IRAK4: variants seen among roughly 807,000 people sequenced by gnomAD.
IRAK4 encodes the protein interleukin 1 receptor associated kinase 4, also known as interleukin-1 receptor-associated kinase 4.
A neutral mutation model predicts 51.8 loss-of-function variants in IRAK4; 44 were observed. The observed-to-expected ratio is 0.85, with a 90% CI of 0.67 to 1.09. The LOEUF is 1.09. Ranked by LOEUF, IRAK4 falls within the 50% of genes least tolerant of loss-of-function variation. The pLI is 0.00. For synonymous variants in IRAK4, 149 were observed against 174.1 expected, an observed-to-expected ratio of 0.86 and a Z score of 1.13; for missense variants, 487 against 538.0, an observed-to-expected ratio of 0.91 and a Z score of 0.94.
In IRAK4 at chr12:43,778,334, G is replaced by T. The variant is rs113211307; in HGVS notation, c.941+32G>T. On this transcript the variant is annotated intron_variant, in intron 8 of 11. Transcript: ENST00000613694. ...GCTACTGTTTAAAAGTTTTTGGAAAGCTGTCTTTAAAGAATAATTTGCTGT... is the reference window on the plus strand; with the variant it reads ...GCTACTGTTTAAAAGTTTTTGGAAATCTGTCTTTAAAGAATAATTTGCTGT... The T allele has an allele frequency of 1.0e-3, 1,265 of 1,208,190 alleles. 11 individuals are homozygous for T. The African/African-American group carries it at 0.016, about 16-fold the overall frequency. 74.8% of individuals were successfully genotyped at this position (1,208,190 alleles called of 1,614,324 possible). A position where few individuals can be genotyped will look rare whatever the true frequency, so the allele number is the denominator to read the frequency against.
intron 1 of IRAK4, among the ~76,000 whole-genome samples, chr12:43,761,903 A>G (rs1939596395): frequency 1.3e-5 from 2 of 152,164 alleles, no homozygotes; most frequent in Admixed American, 6.5e-5. Flanking sequence ...TTTCTTTACT[A>G]TGAGAGTTAG....
At chr12:43,782,595 A>G in intron 9 of IRAK4, 105 bp downstream of exon 9, 1 of 960,442 alleles carries the variant, frequency 1.0e-6, no homozygotes, top group Non-Finnish European at 1.6e-6. Context: ...CTCTTATGTA[A>G]CAATATAAGT....
chr12:43,786,732 ACT>A lies in IRAK4; in HGVS notation c.*20_*21del. The stretch of plus-strand genomic sequence containing the variant: ...GCTTCTTAAAACTTTATTGGAAAAG[ACT>A]CTTGACTTTTTATATACACCTATCT... On this transcript the variant is annotated 3_prime_UTR_variant, in exon 12 of 12. Coordinates refer to ENST00000613694, the MANE Select transcript of IRAK4 (RefSeq NM_016123.4). 6.2e-7 allele frequency: 1 copy of A among 1,606,352 alleles called. No individual in the cohort carries two copies. The highest frequency in any genetic ancestry group is 8.5e-7 in the Non-Finnish European group (1 of 1,173,444).
chr12:43,779,281 G>T (rs1941570227), intron 8 of IRAK4, among the ~76,000 whole-genome samples: 2 of 152,154 alleles, frequency 1.3e-5, no homozygotes, highest in African/African-American at 4.8e-5. Flanking sequence ...TGAAGTAAAT[G>T]CAGTATGACT....
chr12:43,784,846 G>T (rs936650921), intron 10 of IRAK4, among the ~76,000 whole-genome samples: 10 of 152,100 alleles, frequency 6.6e-5, no homozygotes, highest in African/African-American at 2.4e-4. Flanking sequence ...ATCATCTGAA[G>T]AACCGTTATG....
At chr12:43,773,120 G>A (rs1191154544) in intron 5 of IRAK4, 48 bp downstream of exon 5, 4 of 1,519,764 alleles carry the variant, frequency 2.6e-6, no homozygotes, top group South Asian at 1.1e-5. Context: ...TTCATAGTGT[G>A]CCCTATAATA....
chr12:43,782,318 TACTG>T lies in IRAK4; in HGVS notation c.954_957del (p.Leu319MetfsTer25). ...TACATTTTTTTCAGTGCAAATATCTTACTGGATGAAGCTTTTACTGCTAAAATAT... is the reference window on the plus strand; with the variant it reads ...TACATTTTTTTCAGTGCAAATATCTTGATGAAGCTTTTACTGCTAAAATAT... On this transcript the variant is annotated frameshift_variant, in exon 9 of 12. Transcript: ENST00000613694. LOFTEE classifies it high-confidence loss of function. 6.2e-7 allele frequency: 1 copy of T among 1,612,898 alleles called. No individual in the cohort carries two copies. The highest frequency in any genetic ancestry group is 8.5e-7 in the Non-Finnish European group (1 of 1,178,884).
intron 10 of IRAK4, among the ~76,000 whole-genome samples, chr12:43,784,888 A>G (rs889872298): frequency 1.1e-4 from 17 of 152,334 alleles, no homozygotes; most frequent in South Asian, 2.1e-4. Context: ...AAACATTTTC[A>G]GAATTTATCT....
At chr12:43,768,349 AATGT>A in intron 2 of IRAK4, 77 bp downstream of exon 2, 1 of 1,113,278 alleles carries the variant, frequency 9.0e-7, no homozygotes, top group South Asian at 1.4e-5. Flanking sequence ...AGTACTGTCT[AATGT>A]GGCAGTTTAG....
chr12:43,761,279 T>A (rs1939524934), intron 1 of IRAK4, among the ~76,000 whole-genome samples: 1 of 152,244 alleles, frequency 6.6e-6, no homozygotes, highest in Non-Finnish European at 1.5e-5. Flanking sequence ...ACATTAAAAT[T>A]ACCATGGTTG....
At chr12:43,766,599 G>T (rs192299770) in intron 1 of IRAK4, among the ~76,000 whole-genome samples, 59 of 152,210 alleles carry the variant, frequency 3.9e-4, no homozygotes, top group African/African-American at 1.3e-3. Context: ...GGAAAGGAAT[G>T]GTCTTTCTGA....
chr12:43,775,262 G>A (rs916096778), intron 6 of IRAK4, among the ~76,000 whole-genome samples: 2 of 152,038 alleles, frequency 1.3e-5, no homozygotes, highest in Non-Finnish European at 2.9e-5. Flanking sequence ...AATTCTAAAA[G>A]TAACTTGTTC....
At chr12:43,765,919 C>G (rs1253001905) in intron 1 of IRAK4, among the ~76,000 whole-genome samples, 1 of 151,906 alleles carries the variant, frequency 6.6e-6, no homozygotes. Context: ...GATTTGGCCT[C>G]CTAAATGTTT....
chr12:43,778,406 A>G, intron 8 of IRAK4, 104 bp downstream of exon 8: 2 of 712,942 alleles, frequency 2.8e-6, no homozygotes, highest in Admixed American at 4.2e-5. Flanking sequence ...GAGCATCTGG[A>G]CTTTTTTCCC....
intron 2 of IRAK4, 105 bp from the exon 3 acceptor site, chr12:43,771,115 T>G: frequency 9.6e-7 from 1 of 1,038,648 alleles, no homozygotes; most frequent in Non-Finnish European, 1.5e-6. Context: ...GTGAGCCAAA[T>G]TAACTATTAT....
chr12:43,762,011 A>G (rs533504575), intron 1 of IRAK4, among the ~76,000 whole-genome samples: 3 of 151,226 alleles, frequency 2.0e-5, no homozygotes, highest in East Asian at 3.9e-4. Context: ...TAAATCTTGA[A>G]GAATTTGAAA....
At chr12:43,763,225 T>C (rs763979427) in intron 1 of IRAK4, 4 of 152,218 alleles carry the variant, frequency 2.6e-5, no homozygotes, top group Non-Finnish European at 4.4e-5. Flanking sequence ...TAGTGTAGTA[T>C]CAAAGAGAAA....
At position 43,772,282 on chromosome 12, in the gene IRAK4, C is replaced by T; in HGVS notation, c.410C>T (p.Pro137Leu). The T allele has an allele frequency of 6.2e-7, 1 of 1,613,820 alleles. No homozygotes were observed. The highest frequency in any genetic ancestry group is 8.5e-7 in the Non-Finnish European group (1 of 1,179,882). Reference protein sequence around the residue: ...FCDKDRTLMTPVQNLEQSYMP... With the variant: ...FCDKDRTLMTLVQNLEQSYMP... ...GACAAAGACAGGACATTGATGACAC[C>T]TGTGCAGAATCTTGAACAAAGCTAT... The change falls in exon 4 of 12, where the codon CCT becomes CTT. Residue 137 changes from proline to leucine, a missense_variant. By Grantham distance (98) the Pro-to-Leu change is moderately conservative (BLOSUM62 -3). Transcript: ENST00000613694.
At chr12:43,765,313 G>A (rs941479376) in intron 1 of IRAK4, among the ~76,000 whole-genome samples, 4 of 152,110 alleles carry the variant, frequency 2.6e-5, no homozygotes, top group South Asian at 2.1e-4. Context: ...TGTTTTCCTC[G>A]AAAATCGATG....
Sources: allele counts gnomAD v4.1 joint callset (sites outside exome capture counted in the v4.1 genomes callset), GRCh38; gene constraint gnomAD v4.1.1; transcripts MANE v1.5; gene names NCBI Gene and HGNC (gene_info 2026-07-23, HGNC 2026-07-21).